Variants in MPDZ observed in about 807,000 individuals in gnomAD.
MPDZ encodes the protein multiple PDZ domain crumbs cell polarity complex component.
In MPDZ, 234 loss-of-function variants were observed where a neutral mutation model predicts 239.1. The observed-to-expected ratio is 0.98, with a 90% CI of 0.88 to 1.09. The LOEUF is 1.09. MPDZ is among the 50% of genes least tolerant of loss of function. The pLI is 0.00. For synonymous variants in MPDZ, 1,048 were observed against 881.3 expected, an observed-to-expected ratio of 1.19 and a Z score of -3.35; for missense variants, 3,175 against 2,510.0, an observed-to-expected ratio of 1.26 and a Z score of -5.66.
intron 16 of MPDZ, 81 bp downstream of exon 16, chr9:13,190,032 TG>T: frequency 8.1e-7 from 1 of 1,236,190 alleles, no homozygotes; most frequent in Non-Finnish European, 1.1e-6. Context: ...ACATCTTTGA[TG>T]GTTATAAACT....
intron 30 of MPDZ, 54 bp from the exon 31 acceptor site, chr9:13,136,236 T>G: frequency 1.6e-6 from 2 of 1,236,832 alleles, no homozygotes; most frequent in South Asian, 2.7e-5. Flanking sequence ...ATTTTCATTC[T>G]CTTACTTCAA....
intron 24 of MPDZ, among the ~76,000 whole-genome samples, chr9:13,153,138 C>A (rs1563916457): frequency 6.6e-6 from 1 of 151,986 alleles, no homozygotes; most frequent in Non-Finnish European, 1.5e-5. Flanking sequence ...AGGAATCCTG[C>A]AAAATGATTG....
intron 1 of MPDZ, among the ~76,000 whole-genome samples, chr9:13,257,771 AG>A (rs1969781370): frequency 6.6e-6 from 1 of 152,206 alleles, no homozygotes; most frequent in African/African-American, 2.4e-5. Flanking sequence ...CTAAAAATAC[AG>A]GATGCTAGTT....
intron 1 of MPDZ, among the ~76,000 whole-genome samples, chr9:13,269,498 T>C (rs1302134395): frequency 6.6e-6 from 1 of 152,136 alleles, no homozygotes; most frequent in African/African-American, 2.4e-5. Flanking sequence ...TGAAATAGTG[T>C]ACATATAGAG....
At chr9:13,156,679 A>C (rs557490785) in intron 24 of MPDZ, among the ~76,000 whole-genome samples, 1 of 152,298 alleles carries the variant, frequency 6.6e-6, no homozygotes, top group South Asian at 2.1e-4. Flanking sequence ...AAACTATATC[A>C]CCTTCTAAAA....
intron 41 of MPDZ, 66 bp from the exon 42 acceptor site, chr9:13,113,120 T>C (rs943738633): frequency 8.5e-5 from 120 of 1,408,910 alleles, no homozygotes; most frequent in Middle Eastern, 1.8e-4. Context: ...TTCGTTAAAA[T>C]ATCTAAAGCT....
chr9:13,147,722 T>C, intron 25 of MPDZ, 64 bp from the exon 26 acceptor site: 1 of 1,257,630 alleles, frequency 8.0e-7, no homozygotes, highest in Non-Finnish European at 1.1e-6. Context: ...AATGTGTGGA[T>C]ATGGAGTTTT....
At chr9:13,115,544 G>C (rs1245714195) in intron 39 of MPDZ, among the ~76,000 whole-genome samples, 1 of 152,038 alleles carries the variant, frequency 6.6e-6, no homozygotes, top group East Asian at 1.9e-4. Context: ...GCAACACCAA[G>C]TGTTTACCTT....
At chr9:13,158,797 C>G (rs1279971020) in intron 23 of MPDZ, among the ~76,000 whole-genome samples, 1 of 152,140 alleles carries the variant, frequency 6.6e-6, no homozygotes, top group Non-Finnish European at 1.5e-5. Flanking sequence ...TACTGATTGA[C>G]TGTAAAGAAA....
intron 38 of MPDZ, 33 bp from the exon 39 acceptor site, chr9:13,119,682 T>C (rs747121320): frequency 2.5e-6 from 4 of 1,613,590 alleles, no homozygotes; most frequent in East Asian, 2.2e-5. Context: ...ACATTATCTT[T>C]TGCTCAACTG....
intron 21 of MPDZ, among the ~76,000 whole-genome samples, chr9:13,169,931 C>A (rs1951571356): frequency 6.6e-6 from 1 of 152,170 alleles, no homozygotes; most frequent in African/African-American, 2.4e-5. Flanking sequence ...TTCAATATCA[C>A]TTCCTCAGAA....
chr9:13,110,961 G>T (rs974177144), intron 43 of MPDZ, among the ~76,000 whole-genome samples: 1 of 152,186 alleles, frequency 6.6e-6, no homozygotes. Flanking sequence ...CCAGGGGAGA[G>T]GGAGGGAGAA....
At chr9:13,157,716 C>G (rs1587353664) in intron 24 of MPDZ, among the ~76,000 whole-genome samples, 1 of 152,038 alleles carries the variant, frequency 6.6e-6, no homozygotes, top group Non-Finnish European at 1.5e-5. Flanking sequence ...TAAATGAATA[C>G]TTTTTGGTAT....
intron 10 of MPDZ, among the ~76,000 whole-genome samples, chr9:13,210,046 G>GA (rs1350309026): frequency 7.4e-6 from 1 of 135,670 alleles, no homozygotes; most frequent in Non-Finnish European, 1.6e-5. Flanking sequence ...AAAGGCACAT[G>GA]AAAAAACAGA....
At chr9:13,235,861 G>A (rs1461802604) in intron 3 of MPDZ, among the ~76,000 whole-genome samples, 1 of 151,910 alleles carries the variant, frequency 6.6e-6, no homozygotes, top group African/African-American at 2.4e-5. Flanking sequence ...ACTAAACAAG[G>A]AAATAAAGAG....
At chr9:13,270,131 T>A (rs1972633503) in intron 1 of MPDZ, among the ~76,000 whole-genome samples, 1 of 152,222 alleles carries the variant, frequency 6.6e-6, no homozygotes, top group Non-Finnish European at 1.5e-5. Flanking sequence ...ACTATTTAAA[T>A]GCCTCCATTA....
intron 26 of MPDZ, among the ~76,000 whole-genome samples, chr9:13,145,612 CAT>C (rs1381272775): frequency 6.6e-6 from 1 of 151,932 alleles, no homozygotes; most frequent in African/African-American, 2.4e-5. Flanking sequence ...TGAAACAAAA[CAT>C]ATCTCATTTT....
At chr9:13,236,123 G>T (rs560627666) in intron 3 of MPDZ, among the ~76,000 whole-genome samples, 1 of 149,466 alleles carries the variant, frequency 6.7e-6, no homozygotes, top group Non-Finnish European at 1.5e-5. Flanking sequence ...CGTAATAAGA[G>T]ATTTTTATTA....
Position 13,119,571 on chromosome 9 carries a change from G to T in MPDZ, c.5310C>A (p.Asp1770Glu). 1 of 1,613,832 alleles carries T rather than the reference G, an allele frequency of 6.2e-7. No individual in the cohort carries two copies. Among genetic ancestry groups the T allele is most frequent in the Non-Finnish European group, 8.5e-7 (1 of 1,179,814 alleles). ...ADADGRLMQGDQILMVNGEDV... is the reference protein window; with the variant it reads ...ADADGRLMQGEQILMVNGEDV... ...CTTCCCCATTCACCATTAATATCTG[G>T]TCTCCCTGCATCAGTCTTCCATCGG... Residue 1770 changes from aspartate (D) to glutamate (E), a missense_variant, in exon 39 of 47, where the codon GAC (aspartate) becomes GAA (glutamate). Coordinates refer to ENST00000319217, the MANE Select transcript of MPDZ (RefSeq NM_001378778.1).
Sources: allele counts gnomAD v4.1 joint callset (sites outside exome capture counted in the v4.1 genomes callset), GRCh38; gene constraint gnomAD v4.1.1; transcripts MANE v1.5; gene names NCBI Gene and HGNC (gene_info 2026-07-23, HGNC 2026-07-21).